The following AIG1 variants were observed in gnomAD, a reference collection of about 807,000 sequenced individuals.
AIG1 encodes the protein androgen induced 1, also known as androgen-induced gene 1 protein.
A neutral mutation model predicts 31.4 loss-of-function variants in AIG1; 23 were observed. The ratio of observed to expected loss-of-function variants is 0.73; its 90% confidence interval spans 0.53 to 1.04. The LOEUF is 1.04. AIG1 is among the 50% of genes least tolerant of loss of function. The probability of loss-of-function intolerance (pLI) is 0.00; values close to 1 mark genes in which losing one functional copy is unlikely to be tolerated. For synonymous variants in AIG1, 100 were observed against 110.5 expected, an observed-to-expected ratio of 0.90 and a Z score of 0.60; for missense variants, 274 against 295.0, an observed-to-expected ratio of 0.93 and a Z score of 0.52.
At chr6:143,078,216 T>G (rs2128466432) in intron 1 of AIG1, among the ~76,000 whole-genome samples, 1 of 152,344 alleles carries the variant, frequency 6.6e-6, no homozygotes, top group South Asian at 2.1e-4. Context: ...GTCCACCGGG[T>G]TCCATTTTAT....
chr6:143,275,292 G>A (rs563227685), intron 3 of AIG1, among the ~76,000 whole-genome samples: 1 of 152,210 alleles, frequency 6.6e-6, no homozygotes, highest in African/African-American at 2.4e-5. Flanking sequence ...GGCAGGAGAG[G>A]GGAGCGACTT....
intron 3 of AIG1, among the ~76,000 whole-genome samples, chr6:143,178,538 A>G (rs935277442): frequency 6.6e-6 from 1 of 152,182 alleles, no homozygotes; most frequent in Non-Finnish European, 1.5e-5. Flanking sequence ...GGGGATCTTC[A>G]CCTTACCTTT....
intron 4 of AIG1, among the ~76,000 whole-genome samples, chr6:143,312,709 G>C (rs1359139315): frequency 6.6e-6 from 1 of 151,894 alleles, no homozygotes; most frequent in South Asian, 2.1e-4. Context: ...GGACACATAG[G>C]ATCACATCAA....
At chr6:143,136,207 C>G (rs950680107) in intron 1 of AIG1, among the ~76,000 whole-genome samples, 1 of 152,072 alleles carries the variant, frequency 6.6e-6, no homozygotes. Flanking sequence ...AGTAGAAGGT[C>G]ATTTAGTTCA....
intron 1 of AIG1, among the ~76,000 whole-genome samples, chr6:143,091,975 A>T (rs1162877815): frequency 6.6e-6 from 1 of 152,188 alleles, no homozygotes; most frequent in Non-Finnish European, 1.5e-5. Flanking sequence ...TAGGTGTATT[A>T]GTAATATTAA....
intron 4 of AIG1, among the ~76,000 whole-genome samples, chr6:143,324,488 G>A (rs1776452949): frequency 6.6e-6 from 1 of 152,160 alleles, no homozygotes; most frequent in South Asian, 2.1e-4. Flanking sequence ...GCTTTCCAGA[G>A]CCCTGTCCCC....
intron 3 of AIG1, among the ~76,000 whole-genome samples, chr6:143,270,101 T>C (rs1277881357): frequency 6.6e-6 from 1 of 152,186 alleles, no homozygotes. Flanking sequence ...GGACCCCTAC[T>C]GTCCAGTACT....
chr6:143,277,327 T>G (rs1016161047), intron 3 of AIG1, among the ~76,000 whole-genome samples: 2 of 152,102 alleles, frequency 1.3e-5, no homozygotes. Flanking sequence ...TTATTTACAA[T>G]ATAGCTATAA....
chr6:143,092,990 C>G (rs1779437383), intron 1 of AIG1, among the ~76,000 whole-genome samples: 1 of 152,168 alleles, frequency 6.6e-6, no homozygotes, highest in African/African-American at 2.4e-5. Context: ...TTCAAGGCTG[C>G]AGTGAGCTGT....
chr6:143,092,399 A>T (rs1481686041), intron 1 of AIG1, among the ~76,000 whole-genome samples: 1 of 149,440 alleles, frequency 6.7e-6, no homozygotes, highest in Non-Finnish European at 1.5e-5. Context: ...TGTTACAGGG[A>T]TCAGCTACCA....
intron 1 of AIG1, among the ~76,000 whole-genome samples, chr6:143,072,219 G>C (rs1777355960): frequency 6.6e-6 from 1 of 152,044 alleles, no homozygotes; most frequent in South Asian, 2.1e-4. Flanking sequence ...TTTGCTTTCT[G>C]GTTGTTTATT....
chr6:143,335,940 T>A (rs1213655979), intron 5 of AIG1, among the ~76,000 whole-genome samples: 3 of 118,222 alleles, frequency 2.5e-5, no homozygotes, highest in Non-Finnish European at 3.4e-5. Flanking sequence ...AGAGTGAAAC[T>A]CTCAGAAAAA....
chr6:143,254,607 C>T (rs554255349), intron 3 of AIG1, among the ~76,000 whole-genome samples: 1 of 152,098 alleles, frequency 6.6e-6, no homozygotes, highest in Admixed American at 6.6e-5. Context: ...CCCCTACCCC[C>T]GCAAGTCACT....
intron 4 of AIG1, among the ~76,000 whole-genome samples, chr6:143,321,170 G>C (rs555802486): frequency 1.3e-4 from 20 of 151,820 alleles, no homozygotes; most frequent in Non-Finnish European, 2.8e-4. Flanking sequence ...CAGAGAGGAA[G>C]GTTTTACAGG....
rs1009043004 is a variant in AIG1, at chr6:143,139,039, G to A, written c.297+2049G>A. ...TTGCTACTCTCCTCAAAAGCTCATG[G>A]CATATGCCCTTTAGACATTTTTGAC... is the stretch of plus-strand genomic sequence containing the variant. On this transcript the variant is annotated intron_variant, in intron 2 of 5. Transcript: ENST00000357847. 5.9e-5 allele frequency among the ~76,000 whole-genome samples: 9 copies of A among 152,054 alleles called. No individual in the cohort carries two copies. The East Asian group carries it at 1.7e-3, about 29-fold the overall frequency.
chr6:143,315,807 C>T lies in AIG1; in HGVS notation c.516-17475C>T, dbSNP rs577625473. Among the ~76,000 whole-genome samples the T allele has an allele frequency of 9.2e-5, 14 of 152,134 alleles. No homozygotes were observed. In the South Asian group the frequency reaches 2.7e-3, roughly 29 times the overall value. ...GAGAAAACAATAATAATCCACTTGACTCAGCCATGAGCAAAGGTTACATAA... is the reference window on the plus strand; with the variant it reads ...GAGAAAACAATAATAATCCACTTGATTCAGCCATGAGCAAAGGTTACATAA... On this transcript the variant is annotated intron_variant, in intron 4 of 5. Coordinates refer to ENST00000357847, the MANE Select transcript of AIG1 (RefSeq NM_016108.4).
intron 3 of AIG1, among the ~76,000 whole-genome samples, chr6:143,245,951 GGAA>G (rs371245119): frequency 6.6e-5 from 10 of 152,224 alleles, no homozygotes; most frequent in African/African-American, 2.4e-4. Flanking sequence ...GGGCCACATT[GGAA>G]GAAGAATTGT....
At chr6:143,143,528 A>AAATATATATATATAT (rs1554249782) in intron 2 of AIG1, among the ~76,000 whole-genome samples, 4 of 27,788 alleles carry the variant, frequency 1.4e-4, no homozygotes, top group Non-Finnish European at 1.6e-4. Context: ...AAAAAAAAAA[A>AAATATATATATATAT]ATATATATAT....
intron 1 of AIG1, among the ~76,000 whole-genome samples, chr6:143,120,624 C>T (rs1465535620): frequency 6.6e-6 from 1 of 152,174 alleles, no homozygotes; most frequent in African/African-American, 2.4e-5. Flanking sequence ...TACGTTCCAC[C>T]AGGTCCCTGT....
Sources: gnomAD v4.1 joint callset for allele counts (sites outside exome capture counted in the v4.1 genomes callset) on GRCh38, gnomAD v4.1.1 for gene constraint, MANE v1.5 for transcripts, NCBI Gene and HGNC (gene_info 2026-07-23, HGNC 2026-07-21) for gene names.